ZNF106: variants seen among roughly 807,000 people sequenced by gnomAD.
ZNF106 encodes SH3-domain binding protein 3.
A neutral mutation model predicts 195.1 loss-of-function variants in ZNF106; 67 were observed. The ratio of observed to expected loss-of-function variants is 0.34; its 90% CI spans 0.28 to 0.42. The LOEUF (loss-of-function observed/expected upper bound fraction) is 0.42, where lower values mean the gene tolerates loss of function less well. ZNF106 is among the 10% of genes least tolerant of loss of function. The pLI, the probability that ZNF106 is intolerant of heterozygous loss-of-function variation, is 1.00. For missense variants in ZNF106, 2,118 were observed against 2,304.5 expected (o/e 0.92, Z 1.66); for synonymous variants, 784 against 818.6 (o/e 0.96, Z 0.72).
intron 9 of ZNF106, among the ~76,000 whole-genome samples, chr15:42,443,622 G>A (rs2141333921): frequency 6.6e-6 from 1 of 151,848 alleles, no homozygotes; most frequent in African/African-American, 2.4e-5. Context: ...CCCAGCTACT[G>A]GGGGGAGTGA....
rs2054703391 is a variant in ZNF106, at chr15:42,422,579, T to C, written c.5295A>G (p.Ala1765=). 6.2e-7 allele frequency: 1 copy of C among 1,613,528 alleles called. No homozygotes were observed. Among genetic ancestry groups the C allele is most frequent in the African/African-American group, 1.3e-5 (1 of 74,878 alleles). The change falls in exon 18 of 22, where the codon GCA becomes GCG. Residue 1765 remains alanine, a synonymous_variant. Coordinates refer to ENST00000564754, the MANE Select transcript of ZNF106 (RefSeq NM_001366845.3). ...TTCCTAGGATATTCACCACAGTCAC[T>C]GCATGATTGTGACCTTTATAGATCC... is the stretch of plus-strand genomic sequence containing the variant. The part of the protein sequence containing the change: ...LVRIYKGHNH[A]VTVVNILGKV...
intron 2 of ZNF106, among the ~76,000 whole-genome samples, chr15:42,468,651 G>A (rs952213399): frequency 2.0e-5 from 3 of 151,722 alleles, no homozygotes; most frequent in Non-Finnish European, 2.9e-5. Flanking sequence ...GCTGAGGCAG[G>A]AGAATCGCTT....
At position 42,438,642 on chromosome 15, in the gene ZNF106, A is replaced by G. The variant is rs1567006863; in HGVS notation, c.4570T>C (p.Ser1524Pro). ...VSVAETQTVISSIKGSKNSSE... is the reference protein window; with the variant it reads ...VSVAETQTVIPSIKGSKNSSE... ...GAATTCTTTGATCCTTTTATGGAGG[A>G]GATCACAGTCTGAGTTTCTGCCACA... Residue 1524 changes from serine to proline, a missense_variant, in exon 12 of 22, where the codon TCC (serine) becomes CCC (proline). Transcript: ENST00000564754. 1 of 1,613,876 alleles carries G rather than the reference A, an allele frequency of 6.2e-7. No individual in the cohort carries two copies. The highest frequency in any genetic ancestry group is 1.1e-5 in the South Asian group (1 of 91,038).
Position 42,439,587 on chromosome 15 carries a change from A to C in ZNF106, c.3990T>G (p.Cys1330Trp), listed in dbSNP as rs374025826. ...PTKGNSGSEA[C>W]TSSFLRLSFA... ...AAGACAATCTTAGAAAAGAACTGGT[A>C]CAGGCTTCAGACCCACTATTGCCTT... is the stretch of plus-strand genomic sequence containing the variant. The change falls in exon 11 of 22, where the codon TGT (cysteine) becomes TGG (tryptophan). Residue 1330 changes from cysteine to tryptophan, a missense_variant. Coordinates refer to ENST00000564754, the MANE Select transcript of ZNF106 (RefSeq NM_001366845.3). The C allele has an allele frequency of 1.2e-6, 2 of 1,614,090 alleles. No homozygotes were observed. The highest frequency in any genetic ancestry group is 1.7e-5 in the Admixed American group (1 of 59,992).
chr15:42,442,364 G>A lies in ZNF106; in HGVS notation c.3472C>T (p.Arg1158Ter). ...HPDQVPCSLT[R>*]ERRNSRSQTS... ...TGAGATCTACTGTTCCTTCGTTCTCGTGTGAGGCTACAGGGAACCTGGTCT... is the reference window on the plus strand; with the variant it reads ...TGAGATCTACTGTTCCTTCGTTCTCATGTGAGGCTACAGGGAACCTGGTCT... Residue 1158 changes from arginine (R) to a stop codon, truncating the protein, a stop_gained, in exon 10 of 22, where the codon CGA becomes TGA. Coordinates refer to ENST00000564754, the MANE Select transcript of ZNF106 (RefSeq NM_001366845.3). LOFTEE classifies it high-confidence loss of function. 3 of 1,614,130 alleles carry A rather than the reference G, an allele frequency of 1.9e-6. No homozygotes were observed. Among genetic ancestry groups the A allele is most frequent in the Middle Eastern group, 1.7e-4 (1 of 6,060 alleles).
At chr15:42,452,215 A>T (rs2056057345) in intron 4 of ZNF106, among the ~76,000 whole-genome samples, 1 of 152,172 alleles carries the variant, frequency 6.6e-6, no homozygotes, top group Non-Finnish European at 1.5e-5. Context: ...CCCATCACTC[A>T]GAAATATTAA....
chr15:42,444,224 T>C lies in ZNF106; in HGVS notation c.3399A>G (p.Ile1133Met). ...TACCTTGTAATCCCTGTAGAATCTG[T>C]ATTCTATGGGTCCTCAGTGCACTCA... Reference protein sequence around the residue: ...MEMSALRTHRIQILQGLQETY... With the variant: ...MEMSALRTHRMQILQGLQETY... Residue 1133 changes from isoleucine (I) to methionine (M), a missense_variant, in exon 9 of 22, where the codon ATA becomes ATG. Transcript: ENST00000564754. The C allele has an allele frequency of 6.2e-7, 1 of 1,611,084 alleles. No individual in the cohort carries two copies. Among genetic ancestry groups the C allele is most frequent in the East Asian group, 2.2e-5 (1 of 44,846 alleles).
At chr15:42,458,606 G>A (rs930841838) in intron 3 of ZNF106, among the ~76,000 whole-genome samples, 1 of 151,858 alleles carries the variant, frequency 6.6e-6, no homozygotes, top group African/African-American at 2.4e-5. Context: ...TATTCGGGAG[G>A]CTGAGGCAGG....
intron 3 of ZNF106, among the ~76,000 whole-genome samples, chr15:42,462,418 C>T (rs1328249566): frequency 3.9e-5 from 6 of 151,942 alleles, no homozygotes; most frequent in Non-Finnish European, 7.4e-5. Flanking sequence ...GTCAACATGG[C>T]GAAACCCAGT....
intron 3 of ZNF106, among the ~76,000 whole-genome samples, chr15:42,458,742 C>T (rs2056310628): frequency 1.3e-5 from 2 of 151,318 alleles, no homozygotes; most frequent in South Asian, 2.1e-4. Context: ...CAACACCTTA[C>T]CAAAAAACAG....
intron 15 of ZNF106, among the ~76,000 whole-genome samples, chr15:42,427,063 A>T (rs1378974810): frequency 1.3e-5 from 2 of 152,228 alleles, no homozygotes; most frequent in Non-Finnish European, 2.9e-5. Context: ...CCATTCTAAC[A>T]CATGGTTACA....
In ZNF106 at chr15:42,416,988, T is replaced by C; in HGVS notation, c.*316A>G. 1 of 229,616 alleles carries C rather than the reference T, an allele frequency of 4.4e-6. No individual in the cohort carries two copies. The highest frequency in any genetic ancestry group is 8.4e-6 in the Non-Finnish European group (1 of 118,794). The allele number at this position is 229,616 out of a possible 1,614,324, so 14.2% of individuals were successfully genotyped here. ...AATATACATATGATTAGGGTCAAAC[T>C]GGGTAACCAATTAGGATCTGTATCT... On this transcript the variant is annotated 3_prime_UTR_variant, in exon 22 of 22. Coordinates refer to ENST00000564754, the MANE Select transcript of ZNF106 (RefSeq NM_001366845.3).
chr15:42,435,500 C>T lies in ZNF106; in HGVS notation c.4765G>A (p.Val1589Ile), dbSNP rs929463867. ...ACTTTGGAGGTATGACCCTCAAAGA[C>T]ACCAATACATTTCCGACTCTAAAGT... ...YNLVSRKCIG[V>I]FEGHTSKVNC... The change falls in exon 14 of 22, where the codon GTC becomes ATC. Residue 1589 changes from valine to isoleucine, a missense_variant. Transcript: ENST00000564754. 1.9e-6 allele frequency: 3 copies of T among 1,614,154 alleles called. No homozygotes were observed. The highest frequency in any genetic ancestry group is 1.1e-5 in the South Asian group (1 of 91,090).
chr15:42,435,148 G>A (rs2055224032), intron 14 of ZNF106, among the ~76,000 whole-genome samples: 1 of 152,192 alleles, frequency 6.6e-6, no homozygotes. Flanking sequence ...AAAGACCAAG[G>A]AAGGTATATT....
intron 4 of ZNF106, among the ~76,000 whole-genome samples, chr15:42,456,562 G>A (rs2056233216): frequency 6.6e-6 from 1 of 151,636 alleles, no homozygotes; most frequent in South Asian, 2.1e-4. Flanking sequence ...TGAGGCAGGA[G>A]AATTGCTTGA....
intron 2 of ZNF106, among the ~76,000 whole-genome samples, chr15:42,466,448 T>A (rs568762844): frequency 6.7e-6 from 1 of 149,326 alleles, no homozygotes; most frequent in African/African-American, 2.4e-5. Context: ...AAAGTTCATT[T>A]AAAAAAAAAA....
intron 1 of ZNF106, among the ~76,000 whole-genome samples, chr15:42,488,238 A>C (rs1423858344): frequency 6.6e-6 from 1 of 152,140 alleles, no homozygotes; most frequent in East Asian, 1.9e-4. Context: ...GCAATACATA[A>C]TATTTTTATA....
At chr15:42,466,756 C>G (rs978995125) in intron 2 of ZNF106, among the ~76,000 whole-genome samples, 6 of 152,178 alleles carry the variant, frequency 3.9e-5, no homozygotes, top group African/African-American at 1.4e-4. Flanking sequence ...TTGTTTGGTT[C>G]CAATGAAAAG....
rs758981469 is a variant in ZNF106 at position 42,424,917 on chromosome 15, A to G, written c.5107T>C (p.Cys1703Arg). 6.2e-7 allele frequency: 1 copy of G among 1,614,218 alleles called. No individual in the cohort carries two copies. The highest frequency in any genetic ancestry group is 1.7e-5 in the Admixed American group (1 of 60,016). The part of the protein sequence containing the change: ...RKLLVVGSYD[C>R]TISVRDARNG... ...CGGGCATCGCGTACACTAATTGTGC[A>G]GTCATAAGACCCCACGACCAGCAGT... Residue 1703 changes from cysteine (C) to arginine (R), a missense_variant, in exon 16 of 22, where the codon TGC (cysteine) becomes CGC (arginine). By Grantham distance (180) the Cys-to-Arg change is radical (BLOSUM62 -3). Transcript: ENST00000564754.
Sources: gnomAD v4.1 joint callset for allele counts (sites outside exome capture counted in the v4.1 genomes callset) on GRCh38, gnomAD v4.1.1 for gene constraint, MANE v1.5 for transcripts, NCBI Gene and HGNC (gene_info 2026-07-23, HGNC 2026-07-21) for gene names.